The following MTHFD2L variants were observed in gnomAD, a reference collection of about 807,000 sequenced individuals.
MTHFD2L encodes bifunctional methylenetetrahydrofolate dehydrogenase/cyclohydrolase 2, mitochondrial.
Under a neutral mutation model 34.9 loss-of-function variants are expected in MTHFD2L, and 29 were observed. That is an observed-to-expected ratio of 0.83 (90% CI 0.62 to 1.13). The LOEUF is 1.13. MTHFD2L is among the 50% of genes most tolerant of loss of function. MTHFD2L has a pLI of 0.00. For synonymous variants in MTHFD2L, 167 were observed against 155.7 expected (o/e 1.07, Z -0.54); for missense variants, 481 against 446.5 (o/e 1.08, Z -0.70).
chr4:74,301,868 A>T lies in MTHFD2L; in HGVS notation c.*59A>T. On this transcript the variant is annotated 3_prime_UTR_variant, in exon 8 of 8. Coordinates refer to ENST00000325278, the MANE Select transcript of MTHFD2L (RefSeq NM_001144978.3). ...GCTATTTGTTTATTTGACAAAGGGTAAAACCTTTATATTTTACTACAAAGC... is the reference window on the plus strand; with the variant it reads ...GCTATTTGTTTATTTGACAAAGGGTTAAACCTTTATATTTTACTACAAAGC... 1 of 1,054,320 alleles carries T rather than the reference A, an allele frequency of 9.5e-7. No individual in the cohort carries two copies. Among genetic ancestry groups the T allele is most frequent in the Non-Finnish European group, 1.4e-6 (1 of 712,032 alleles). 65.3% of individuals were successfully genotyped at this position (1,054,320 alleles called of 1,614,324 possible). A position where few individuals can be genotyped will look rare whatever the true frequency, so the allele number is the denominator to read the frequency against.
rs1166108259 is a variant in MTHFD2L at position 74,302,356 on chromosome 4, A to G, written c.*547A>G. The G allele has an allele frequency of 3.3e-5, 5 of 152,120 alleles. No individual in the cohort carries two copies. The highest frequency in any genetic ancestry group is 1.9e-4 in the East Asian group (1 of 5,196). 9.4% of individuals were successfully genotyped at this position (152,120 alleles called of 1,614,324 possible). A position where few individuals can be genotyped will look rare whatever the true frequency, so the allele number is the denominator to read the frequency against. On this transcript the variant is annotated 3_prime_UTR_variant, in exon 8 of 8. Transcript: ENST00000325278. ...CTCAACTATCCCCCAAATGCATCCT[A>G]TAAGTCCATCCTAATGAGAAATGAT...
intron 6 of MTHFD2L, chr4:74,268,305 A>G (rs1745561421): frequency 1.1e-6 from 1 of 931,940 alleles, no homozygotes; most frequent in Non-Finnish European, 1.3e-6. Context: ...ATTCACACAA[A>G]TTCCACTCTA....
At chr4:74,164,675 G>A (rs776273921) in intron 1 of MTHFD2L, among the ~76,000 whole-genome samples, 2 of 152,196 alleles carry the variant, frequency 1.3e-5, no homozygotes, top group Non-Finnish European at 1.5e-5. Context: ...GAAATTGCAT[G>A]CCGTTGAGAG....
intron 6 of MTHFD2L, among the ~76,000 whole-genome samples, chr4:74,275,250 T>G (rs1311703920): frequency 6.6e-6 from 1 of 152,174 alleles, no homozygotes; most frequent in Non-Finnish European, 1.5e-5. Flanking sequence ...TCCAGCTTCA[T>G]CCATGTCCCT....
intron 3 of MTHFD2L, among the ~76,000 whole-genome samples, chr4:74,191,096 T>C (rs1459267470): frequency 1.3e-5 from 2 of 152,140 alleles, no homozygotes; most frequent in East Asian, 3.8e-4. Flanking sequence ...AGATGGGGTT[T>C]CACCATGTTG....
chr4:74,246,533 A>T (rs956218903), intron 6 of MTHFD2L, among the ~76,000 whole-genome samples: 1 of 152,088 alleles, frequency 6.6e-6, no homozygotes, highest in Non-Finnish European at 1.5e-5. Flanking sequence ...TTTTGGTGTT[A>T]TAGACATGAA....
At chr4:74,198,890 A>G (rs1443028944) in intron 3 of MTHFD2L, among the ~76,000 whole-genome samples, 1 of 135,808 alleles carries the variant, frequency 7.4e-6, no homozygotes, top group African/African-American at 2.7e-5. Flanking sequence ...TTAAGGTAGC[A>G]GTAGCACACT....
chr4:74,226,473 T>G (rs529808996), intron 6 of MTHFD2L, among the ~76,000 whole-genome samples: 67 of 152,284 alleles, frequency 4.4e-4, no homozygotes, highest in Middle Eastern at 3.4e-3. Context: ...TATGTATATG[T>G]ATACTTATTA....
Position 74,163,263 on chromosome 4 carries a change from T to A in MTHFD2L, c.143+4982T>A, listed in dbSNP as rs192422158. Among the ~76,000 whole-genome samples, 553 of 152,120 alleles carry A rather than the reference T, an allele frequency of 3.6e-3. 1 individual carries two copies. The highest frequency in any genetic ancestry group is 4.8e-3 in the African/African-American group (200 of 41,514). ...ACTAGATCCTGTTATTTAATACTTT[T>A]AAAAAAAAGCATTTGATAATATTTC... On this transcript the variant is annotated intron_variant, in intron 1 of 7. Coordinates refer to ENST00000325278, the MANE Select transcript of MTHFD2L (RefSeq NM_001144978.3).
At chr4:74,210,904 T>A (rs187282411) in intron 5 of MTHFD2L, among the ~76,000 whole-genome samples, 1 of 152,294 alleles carries the variant, frequency 6.6e-6, no homozygotes, top group East Asian at 1.9e-4. Flanking sequence ...GTCCTTCATA[T>A]CCCTTTAAGT....
chr4:74,249,844 AG>A (rs1305459112), intron 6 of MTHFD2L, among the ~76,000 whole-genome samples: 1 of 152,208 alleles, frequency 6.6e-6, no homozygotes, highest in African/African-American at 2.4e-5. Context: ...TTCTGCTGAG[AG>A]ATCCACTGTT....
chr4:74,259,308 G>A (rs1257397283), intron 6 of MTHFD2L, among the ~76,000 whole-genome samples: 7 of 152,134 alleles, frequency 4.6e-5, no homozygotes, highest in Non-Finnish European at 8.8e-5. Flanking sequence ...GAAGTTATAC[G>A]TTACATGTTG....
intron 1 of MTHFD2L, among the ~76,000 whole-genome samples, chr4:74,134,916 GA>G (rs1364344290): frequency 6.6e-6 from 1 of 151,552 alleles, no homozygotes; most frequent in Non-Finnish European, 1.5e-5. Context: ...ATAAACAGAG[GA>G]GAGAAAAGAA....
At chr4:74,183,028 T>C (rs1285821500) in intron 3 of MTHFD2L, 1 of 151,994 alleles carries the variant, frequency 6.6e-6, no homozygotes, top group African/African-American at 2.4e-5. Flanking sequence ...CTCAAGCTCA[T>C]GAAACATGAA....
At chr4:74,247,611 T>C (rs920965257) in intron 6 of MTHFD2L, among the ~76,000 whole-genome samples, 2 of 152,174 alleles carry the variant, frequency 1.3e-5, no homozygotes, top group Admixed American at 6.5e-5. Flanking sequence ...ATATTGGCTG[T>C]GGGTTTGTCA....
At chr4:74,272,936 A>G (rs1182779992) in intron 6 of MTHFD2L, among the ~76,000 whole-genome samples, 2 of 152,146 alleles carry the variant, frequency 1.3e-5, no homozygotes, top group Non-Finnish European at 1.5e-5. Context: ...AGTCCAATCT[A>G]TGTTTACAGG....
intron 5 of MTHFD2L, among the ~76,000 whole-genome samples, chr4:74,204,880 GAC>G (rs1360755839): frequency 2.0e-5 from 3 of 152,048 alleles, no homozygotes; most frequent in Non-Finnish European, 4.4e-5. Flanking sequence ...TGGTGGCAGT[GAC>G]CTCTGGGGAA....
intron 2 of MTHFD2L, among the ~76,000 whole-genome samples, chr4:74,115,200 C>T (rs1053821051): frequency 6.6e-6 from 1 of 152,170 alleles, no homozygotes; most frequent in Admixed American, 6.5e-5. Flanking sequence ...TTCTGTTACT[C>T]TAATTATTTT....
chr4:74,185,717 C>G (rs993774403), intron 3 of MTHFD2L, among the ~76,000 whole-genome samples: 1 of 152,130 alleles, frequency 6.6e-6, no homozygotes, highest in African/African-American at 2.4e-5. Context: ...ATTACCAAAG[C>G]TCACTCAAAA....
Sources: gnomAD v4.1 joint callset for allele counts (sites outside exome capture counted in the v4.1 genomes callset) on GRCh38, gnomAD v4.1.1 for gene constraint, MANE v1.5 for transcripts, NCBI Gene and HGNC (gene_info 2026-07-23, HGNC 2026-07-21) for gene names.